The following BZW2 variants were observed in gnomAD, a reference collection of about 807,000 sequenced individuals.
The protein encoded by BZW2 is eIF5-mimic protein 1.
Under a neutral mutation model 53.2 loss-of-function variants are expected in BZW2, and 23 were observed. That is an observed-to-expected ratio of 0.43 (90% CI 0.31 to 0.61). The LOEUF (loss-of-function observed/expected upper bound fraction) is 0.61, where lower values mean the gene tolerates loss of function less well. Among genes scored for constraint, BZW2 ranks in the 20% least tolerant of loss-of-function variants. The pLI is 0.09. For synonymous variants in BZW2, 227 were observed against 186.4 expected (o/e 1.22, Z -1.77); for missense variants, 409 against 503.1 (o/e 0.81, Z 1.79).
chr7:16,648,517 G>C (rs1781919950), intron 1 of BZW2, among the ~76,000 whole-genome samples: 1 of 152,192 alleles, frequency 6.6e-6, no homozygotes, highest in African/African-American at 2.4e-5. Context: ...TGCATCTTAA[G>C]TAGCCTGCTT....
In BZW2 at chr7:16,674,607, C is replaced by T; in HGVS notation, c.235+19C>T. The T allele has an allele frequency of 6.6e-7, 1 of 1,522,422 alleles. No individual in the cohort carries two copies. The highest frequency in any genetic ancestry group is 8.8e-7 in the Non-Finnish European group (1 of 1,132,342). The allele number at this position is 1,522,422 out of a possible 1,614,324, so 94.3% of individuals were successfully genotyped here. On this transcript the variant is annotated intron_variant, in intron 3 of 11. Transcript: ENST00000258761. ...ATGCTTGGTAAACCATGCATTATCG[C>T]TTCTTGTAGTATATTTATATATTTT...
rs1486461697 is a variant in BZW2, at chr7:16,696,957, C to A, written c.865C>A (p.Pro289Thr). The A allele has an allele frequency of 6.2e-7, 1 of 1,613,892 alleles. No individual in the cohort carries two copies. The highest frequency in any genetic ancestry group is 1.3e-5 in the African/African-American group (1 of 74,886). Residue 289 changes from proline (P) to threonine (T), a missense_variant, in exon 9 of 12, where the codon CCA becomes ACA. Around this residue, in one of 3 missense-constraint regions of BZW2, gnomAD observed 316 missense variants for 366.8 expected, o/e 0.86. Transcript: ENST00000258761. The part of the protein sequence containing the change: ...VKEEMKRNDL[P>T]ETAVIGLLWT... ...AGAAGAAATGAAGAGGAATGATCTT[C>A]CAGAAACAGCAGTGATTGGTCTTCT...
intron 1 of BZW2, among the ~76,000 whole-genome samples, chr7:16,661,477 A>G (rs1230422430): frequency 5.3e-5 from 8 of 152,160 alleles, no homozygotes; most frequent in Non-Finnish European, 5.9e-5. Context: ...AATTTGAAAA[A>G]GATGCTAGGA....
intron 1 of BZW2, among the ~76,000 whole-genome samples, chr7:16,653,242 C>T (rs903865199): frequency 6.6e-6 from 1 of 152,194 alleles, no homozygotes; most frequent in African/African-American, 2.4e-5. Context: ...AAACAGAATT[C>T]TCTCACTGTC....
chr7:16,670,941 A>G (rs11763990), intron 2 of BZW2, among the ~76,000 whole-genome samples: 34,072 of 152,108 alleles, frequency 0.22, 4,586 homozygotes, highest in East Asian at 0.39. Flanking sequence ...TGGGAATGCC[A>G]TTCTTCTCTG....
chr7:16,682,689 A>G, intron 4 of BZW2, 91 bp from the exon 5 acceptor site: 1 of 639,562 alleles, frequency 1.6e-6, no homozygotes, highest in Non-Finnish European at 2.5e-6. Context: ...TTTTATTATT[A>G]TAGATCTATG....
chr7:16,648,399 C>A (rs761074577), intron 1 of BZW2, among the ~76,000 whole-genome samples: 33 of 152,162 alleles, frequency 2.2e-4, no homozygotes, highest in Admixed American at 5.9e-4. Context: ...ATAATTTGCC[C>A]ACAATCCCAT....
intron 7 of BZW2, among the ~76,000 whole-genome samples, chr7:16,691,451 C>G (rs776745366): frequency 1.3e-5 from 2 of 152,228 alleles, no homozygotes; most frequent in African/African-American, 2.4e-5. Context: ...TTGGCTAAGC[C>G]TGGCTTAGTT....
At chr7:16,675,906 C>T (rs1782749652) in intron 3 of BZW2, among the ~76,000 whole-genome samples, 1 of 151,952 alleles carries the variant, frequency 6.6e-6, no homozygotes, top group Non-Finnish European at 1.5e-5. Flanking sequence ...ATGGTGAAAC[C>T]CCGTGTCTAT....
At chr7:16,653,327 A>C (rs1234261011) in intron 1 of BZW2, among the ~76,000 whole-genome samples, 1 of 152,100 alleles carries the variant, frequency 6.6e-6, no homozygotes, top group Non-Finnish European at 1.5e-5. Context: ...TCCATGATTA[A>C]AAATCCTCTG....
intron 5 of BZW2, among the ~76,000 whole-genome samples, chr7:16,684,351 G>C (rs1032658327): frequency 2.0e-5 from 3 of 152,092 alleles, no homozygotes; most frequent in Non-Finnish European, 4.4e-5. Flanking sequence ...AGAGTGTCTG[G>C]TCCACTCAAC....
chr7:16,680,902 G>A (rs1782924023), intron 3 of BZW2, among the ~76,000 whole-genome samples: 1 of 152,012 alleles, frequency 6.6e-6, no homozygotes, highest in East Asian at 1.9e-4. Flanking sequence ...TCAGGAGTTC[G>A]AGACCAGCCT....
chr7:16,702,212 C>T (rs987145749), intron 10 of BZW2, among the ~76,000 whole-genome samples: 1 of 152,140 alleles, frequency 6.6e-6, no homozygotes, highest in Non-Finnish European at 1.5e-5. Context: ...CTTTGTCCCT[C>T]AAGGAGTTCC....
chr7:16,678,926 C>T (rs1238397117), intron 3 of BZW2, among the ~76,000 whole-genome samples: 7 of 152,014 alleles, frequency 4.6e-5, no homozygotes, highest in Non-Finnish European at 8.8e-5. Flanking sequence ...ACAGAGATCA[C>T]ATGCTTCAAA....
At chr7:16,684,477 GA>G (rs1418171461) in intron 5 of BZW2, among the ~76,000 whole-genome samples, 2 of 152,106 alleles carry the variant, frequency 1.3e-5, no homozygotes, top group African/African-American at 4.8e-5. Flanking sequence ...TTTTTATGAT[GA>G]TCTAATTTTT....
chr7:16,658,885 A>G (rs200073716), intron 1 of BZW2, among the ~76,000 whole-genome samples: 1 of 131,382 alleles, frequency 7.6e-6, no homozygotes, highest in Non-Finnish European at 1.5e-5. Flanking sequence ...AGAAAAATGT[A>G]TATATATATA....
chr7:16,694,741 T>G, intron 7 of BZW2, 93 bp from the exon 8 acceptor site: 897 of 1,017,036 alleles, frequency 8.8e-4, no homozygotes, highest in Non-Finnish European at 1.1e-3. Context: ...CTTCCAAATG[T>G]GAGATATTCT....
At chr7:16,685,579 T>C (rs1783091623) in intron 5 of BZW2, among the ~76,000 whole-genome samples, 1 of 152,212 alleles carries the variant, frequency 6.6e-6, no homozygotes, top group African/African-American at 2.4e-5. Context: ...TCATGTATAC[T>C]TAACTCTCTT....
At chr7:16,646,642 C>T (rs1781871090) in intron 1 of BZW2, among the ~76,000 whole-genome samples, 1 of 152,156 alleles carries the variant, frequency 6.6e-6, no homozygotes, top group Admixed American at 6.5e-5. Context: ...GGGGCCGGGG[C>T]TCTGGGCTAG....
Sources: gnomAD v4.1 joint callset for allele counts (sites outside exome capture counted in the v4.1 genomes callset) on GRCh38, gnomAD v4.1.1 for gene constraint, gnomAD v4.1.1 regional missense constraint, MANE v1.5 for transcripts, NCBI Gene and HGNC (gene_info 2026-07-23, HGNC 2026-07-21) for gene names.